The following CELF2 variants were observed in gnomAD, a reference collection of about 807,000 sequenced individuals.
The protein encoded by CELF2 is CUG triplet repeat RNA-binding protein 2.
In CELF2, 8 loss-of-function variants were observed where a neutral mutation model predicts 62.6. That is an observed-to-expected ratio of 0.13 (90% confidence interval 0.07 to 0.23). The LOEUF (loss-of-function observed/expected upper bound fraction) is 0.23, where lower values mean the gene tolerates loss of function less well. Among genes scored for constraint, CELF2 ranks in the 10% least tolerant of loss-of-function variants. The probability of loss-of-function intolerance (pLI) is 1.00; values close to 1 mark genes in which losing one functional copy is unlikely to be tolerated. For synonymous variants in CELF2, 258 were observed against 250.0 expected (o/e 1.03, Z -0.30); for missense variants, 333 against 671.0 (o/e 0.50, Z 5.56).
chr10:10,500,401 T>C, the CELF2 span, among the ~76,000 whole-genome samples: 1 of 152,202 alleles, frequency 6.6e-6, no homozygotes. Context: ...TCATGTGTTG[T>C]TGGAGGGACC....
intron 8 of CELF2, among the ~76,000 whole-genome samples, chr10:11,284,686 G>A (rs1170714600): frequency 2.6e-5 from 4 of 151,296 alleles, no homozygotes; most frequent in Non-Finnish European, 4.4e-5. Flanking sequence ...GTGTGTGGAT[G>A]ATGGATGAGT....
At chr10:10,965,773 A>G (rs980433874) in intron 2 of CELF2, among the ~76,000 whole-genome samples, 1 of 152,230 alleles carries the variant, frequency 6.6e-6, no homozygotes, top group Non-Finnish European at 1.5e-5. Flanking sequence ...TGAGCTCCAA[A>G]TATATCAGGC....
chr10:10,900,369 A>T (rs996139591), intron 1 of CELF2, among the ~76,000 whole-genome samples: 3 of 152,256 alleles, frequency 2.0e-5, no homozygotes, highest in Admixed American at 1.3e-4. Context: ...AGAAAGTGAC[A>T]TTCCTCATAG....
chr10:11,202,045 G>A (rs1376910028), intron 2 of CELF2, among the ~76,000 whole-genome samples: 1 of 152,098 alleles, frequency 6.6e-6, no homozygotes, highest in African/African-American at 2.4e-5. Context: ...ACTGTACCAT[G>A]TAACACTAAG....
At chr10:11,279,124 T>C (rs1398638476) in intron 8 of CELF2, among the ~76,000 whole-genome samples, 1 of 152,182 alleles carries the variant, frequency 6.6e-6, no homozygotes, top group East Asian at 1.9e-4. Flanking sequence ...GATTTTTTTC[T>C]AGGATAAAGA....
the CELF2 span, among the ~76,000 whole-genome samples, chr10:10,771,601 G>A: frequency 4.6e-5 from 7 of 152,166 alleles, no homozygotes; most frequent in African/African-American, 9.7e-5. Flanking sequence ...TACTGTTCTC[G>A]TGTAGTGAAT....
chr10:11,101,980 A>C (rs1156595188), intron 1 of CELF2: 1 of 152,206 alleles, frequency 6.6e-6, no homozygotes, highest in Non-Finnish European at 1.5e-5. Flanking sequence ...AATTGTAAAA[A>C]TGTGTTTTTA....
chr10:10,973,466 C>G (rs1488406535), intron 2 of CELF2, among the ~76,000 whole-genome samples: 2 of 152,142 alleles, frequency 1.3e-5, no homozygotes, highest in East Asian at 1.9e-4. Flanking sequence ...ATGCCAGGTT[C>G]TCCTGCAGAC....
the CELF2 span, among the ~76,000 whole-genome samples, chr10:10,484,348 A>C: frequency 9.9e-5 from 7 of 70,700 alleles, no homozygotes; most frequent in African/African-American, 4.3e-4. Flanking sequence ...CTCTCGTCTC[A>C]CTCTGTCACC....
chr10:11,294,883 C>T (rs1039407438), intron 9 of CELF2, among the ~76,000 whole-genome samples: 2 of 152,322 alleles, frequency 1.3e-5, no homozygotes, highest in South Asian at 2.1e-4. Context: ...GCACTCCAGC[C>T]TGGGCAACAG....
rs1337135500 is a variant in CELF2 at position 11,333,981 on chromosome 10, A to ATTGAT, written c.*4929_*4933dup. On this transcript the variant is annotated 3_prime_UTR_variant, in exon 13 of 13. Coordinates refer to ENST00000633077, the MANE Select transcript of CELF2 (RefSeq NM_001326342.2). ...TGATTTCGGGTTGATTGATTGATTG[A>ATTGAT]TTGATAGAAAGAAAGTTGCTTTTCT... 2 of 152,328 alleles carry ATTGAT rather than the reference A, an allele frequency of 1.3e-5. No individual in the cohort carries two copies. The highest frequency in any genetic ancestry group is 2.4e-5 in the African/African-American group (1 of 41,356). 9.4% of individuals were successfully genotyped at this position (152,328 alleles called of 1,614,324 possible). A position where few individuals can be genotyped will look rare whatever the true frequency, so the allele number is the denominator to read the frequency against.
intron 2 of CELF2, chr10:10,925,191 T>C (rs2134902996): frequency 6.6e-6 from 1 of 152,198 alleles, no homozygotes; most frequent in South Asian, 2.1e-4. Context: ...CTGAAAGACT[T>C]TCGAAAATTA....
the CELF2 span, among the ~76,000 whole-genome samples, chr10:10,472,060 A>G: frequency 1.3e-5 from 2 of 151,868 alleles, no homozygotes; most frequent in Non-Finnish European, 2.9e-5. Context: ...TTTAATTACA[A>G]GGTGCTTACG....
At chr10:10,561,590 T>C in the CELF2 span, among the ~76,000 whole-genome samples, 1 of 152,116 alleles carries the variant, frequency 6.6e-6, no homozygotes, top group Non-Finnish European at 1.5e-5. Context: ...GGAAGAGAAA[T>C]GGAATGGGGA....
chr10:11,067,111 C>T (rs1005391538), intron 1 of CELF2, among the ~76,000 whole-genome samples: 1 of 152,036 alleles, frequency 6.6e-6, no homozygotes, highest in Non-Finnish European at 1.5e-5. Context: ...TGTCTTTTAG[C>T]GACATCATCT....
rs189594946 is a variant in CELF2 at position 11,330,562 on chromosome 10, A to G, written c.*1509A>G. On this transcript the variant is annotated 3_prime_UTR_variant, in exon 13 of 13. Transcript: ENST00000633077. The surrounding 1 kb of genome is among the most constrained non-coding windows in gnomAD (Gnocchi z 4.5). ...GTTTCTGATGTCTTTCTGACCTCAC[A>G]TCATATTTGGTTCTCCTACTGACCT... 1.3e-5 allele frequency: 2 copies of G among 152,452 alleles called. No homozygotes were observed. Among genetic ancestry groups the G allele is most frequent in the African/African-American group, 2.4e-5 (1 of 41,428 alleles). 9.4% of individuals were successfully genotyped at this position (152,452 alleles called of 1,614,324 possible). A position where few individuals can be genotyped will look rare whatever the true frequency, so the allele number is the denominator to read the frequency against.
In CELF2 at chr10:10,953,765, G is replaced by A. The variant is rs574721506; in HGVS notation, c.89+33766G>A. 6.0e-5 allele frequency among the ~76,000 whole-genome samples: 9 copies of A among 150,616 alleles called. No individual in the cohort carries two copies. The South Asian group carries it at 1.9e-3, about 32-fold the overall frequency. On this transcript the variant is annotated intron_variant, in intron 2 of 13. Transcript: ENST00000636488. ...TTAGATAAATTCAGCTACATTTTGA[G>A]AAATTCTGCTTGGCAAACTAAAATA...
chr10:10,797,815 T>G (rs1380226548), upstream of CELF2, among the ~76,000 whole-genome samples: 1 of 152,160 alleles, frequency 6.6e-6, no homozygotes, highest in Non-Finnish European at 1.5e-5. Context: ...AAATAAGAAA[T>G]CAGTACAGTC....
At chr10:11,064,961 G>A (rs570896556) in intron 1 of CELF2, among the ~76,000 whole-genome samples, 1 of 152,324 alleles carries the variant, frequency 6.6e-6, no homozygotes, top group Non-Finnish European at 1.5e-5. Flanking sequence ...TTCTCAAGAT[G>A]TATGTGTCAT....
Sources: allele counts gnomAD v4.1 joint callset (sites outside exome capture counted in the v4.1 genomes callset), GRCh38; gene constraint gnomAD v4.1.1; non-coding constraint Gnocchi (gnomAD v3.1); transcripts MANE v1.5; gene names NCBI Gene and HGNC (gene_info 2026-07-23, HGNC 2026-07-21).